JAKMIP1: variants seen among roughly 807,000 people sequenced by gnomAD.
The protein encoded by JAKMIP1 is janus kinase and microtubule-interacting protein 1.
Under a neutral mutation model 113.0 loss-of-function variants are expected in JAKMIP1, and 33 were observed. The observed-to-expected ratio is 0.29, with a 90% CI of 0.22 to 0.39. The LOEUF (loss-of-function observed/expected upper bound fraction) is 0.39. JAKMIP1 is among the 10% of genes least tolerant of loss of function. The pLI is 1.00. For missense variants in JAKMIP1, 813 were observed against 1,080.5 expected (o/e 0.75, Z 3.47); for synonymous variants, 480 against 459.9 (o/e 1.04, Z -0.56).
chr4:6,079,849 C>A (rs1038110067), intron 7 of JAKMIP1, among the ~76,000 whole-genome samples: 1 of 152,226 alleles, frequency 6.6e-6, no homozygotes, highest in Non-Finnish European at 1.5e-5. Context: ...TGGAACAGAT[C>A]ATGCCCAGTC....
At position 6,166,515 on chromosome 4, in the gene JAKMIP1, C is replaced by T. The variant is rs115633568; in HGVS notation, c.-148+33738G>A. 9.8e-3 allele frequency among the ~76,000 whole-genome samples: 1,494 copies of T among 152,320 alleles called. 18 individuals carry two copies. The highest frequency in any genetic ancestry group is 0.034 in the African/African-American group (1,418 of 41,572). On this transcript the variant is annotated intron_variant, in intron 1 of 20. Transcript: ENST00000409021. ...GAGCCAGGATGTGTGCAGGCCCAGGCGGCCAGGGCTCTCTACCTGAGGCCA... is the reference window on the plus strand; with the variant it reads ...GAGCCAGGATGTGTGCAGGCCCAGGTGGCCAGGGCTCTCTACCTGAGGCCA...
chr4:6,131,293 A>C (rs551659227), intron 1 of JAKMIP1, among the ~76,000 whole-genome samples: 3 of 150,870 alleles, frequency 2.0e-5, no homozygotes, highest in African/African-American at 7.3e-5. Flanking sequence ...GTATCTGAGA[A>C]TTTCACAAAA....
At position 6,081,830 on chromosome 4, in the gene JAKMIP1, A is replaced by C; in HGVS notation, c.955-75T>G. 1 of 1,573,822 alleles carries C rather than the reference A, an allele frequency of 6.4e-7. No homozygotes were observed. Among genetic ancestry groups the C allele is most frequent in the Non-Finnish European group, 8.7e-7 (1 of 1,151,172 alleles). Reference sequence around the variant, plus strand: ...CCGAGGTCACAGCACCGAGGTGAGCAGAGACTCAACCCAGTTAGGACCCCT... The same window carrying C: ...CCGAGGTCACAGCACCGAGGTGAGCCGAGACTCAACCCAGTTAGGACCCCT... On this transcript the variant is annotated intron_variant, in intron 5 of 20. Transcript: ENST00000409021. This position sits in a 1 kb window ranked among gnomAD's most constrained non-coding sequence, Gnocchi z 4.6.
In JAKMIP1 at chr4:6,153,787, AG is replaced by A. The variant is rs1209257917; in HGVS notation, c.-147-40791del. Among the ~76,000 whole-genome samples, 1 of 152,216 alleles carries A rather than the reference AG, an allele frequency of 6.6e-6. No individual in the cohort carries two copies. The highest frequency in any genetic ancestry group is 1.5e-5 in the Non-Finnish European group (1 of 68,048). On this transcript the variant is annotated intron_variant, in intron 1 of 20. Transcript: ENST00000409021. This position sits in a 1 kb window ranked among gnomAD's most constrained non-coding sequence, Gnocchi z 4.9. ...TCAGGTGCTATATTTTATAACTATA[AG>A]ATACAGTTATATTTTCCCTAATGCA...
At chr4:6,126,670 C>A (rs1390021077) in intron 1 of JAKMIP1, among the ~76,000 whole-genome samples, 2 of 149,362 alleles carry the variant, frequency 1.3e-5, no homozygotes, top group South Asian at 4.2e-4. Context: ...ATGCCCCCCC[C>A]ACACACACCC....
At chr4:6,039,461 C>T (rs1714023779) in intron 18 of JAKMIP1, among the ~76,000 whole-genome samples, 1 of 152,142 alleles carries the variant, frequency 6.6e-6, no homozygotes, top group African/African-American at 2.4e-5. Flanking sequence ...AAATCACATT[C>T]CTTGGAGTTT....
chr4:6,182,423 A>AAAAG (rs1218522312), intron 1 of JAKMIP1, among the ~76,000 whole-genome samples: 19,220 of 138,656 alleles, frequency 0.14, 1,701 homozygotes, highest in South Asian at 0.24. Context: ...AAAAAAAAAA[A>AAAAG]AAAGAAAGAA....
rs765016487 is a variant in JAKMIP1, at chr4:6,056,764, G to C, written c.1645-5C>G. ...CTCTTCAACCCACTTGGAATCCTAAGGAAAAGTACTAAATATGGTCACATT... is the reference window on the plus strand; with the variant it reads ...CTCTTCAACCCACTTGGAATCCTAACGAAAAGTACTAAATATGGTCACATT... On this transcript the variant is annotated splice_region_variant and splice_polypyrimidine_tract_variant and intron_variant, in intron 11 of 20. Coordinates refer to ENST00000409021, the MANE Select transcript of JAKMIP1 (RefSeq NM_001099433.2). 5.6e-6 allele frequency: 9 copies of C among 1,602,452 alleles called. No homozygotes were observed. The African/African-American group carries it at 9.4e-5, about 17-fold the overall frequency.
rs1055522688 is a variant in JAKMIP1, at chr4:6,186,584, G to A, written c.-148+13669C>T. ...TTTTAATTTTATTGAGGTTGTATTA[G>A]GGCCTAGCATATGGTCTATCCTGGA... On this transcript the variant is annotated intron_variant, in intron 1 of 20. Coordinates refer to ENST00000409021, the MANE Select transcript of JAKMIP1 (RefSeq NM_001099433.2). The surrounding 1 kb of genome is among the most constrained non-coding windows in gnomAD (Gnocchi z 5.5). 6.6e-6 allele frequency among the ~76,000 whole-genome samples: 1 copy of A among 152,116 alleles called. No individual in the cohort carries two copies. Among genetic ancestry groups the A allele is most frequent in the Admixed American group, 6.5e-5 (1 of 15,284 alleles).
chr4:6,060,753 CA>C (rs908718103), intron 10 of JAKMIP1, among the ~76,000 whole-genome samples: 2 of 152,222 alleles, frequency 1.3e-5, no homozygotes, highest in Non-Finnish European at 2.9e-5. Flanking sequence ...CTTGGCTTTA[CA>C]GGCAAGGAAA....
At chr4:6,092,505 T>TA (rs1722230700) in intron 3 of JAKMIP1, among the ~76,000 whole-genome samples, 1 of 152,268 alleles carries the variant, frequency 6.6e-6, no homozygotes, top group African/African-American at 2.4e-5. Context: ...CAGAGGTGGG[T>TA]TTTAAGCCAT....
rs1726853214 is a variant in JAKMIP1, at chr4:6,188,203, C to T, written c.-148+12050G>A. Among the ~76,000 whole-genome samples the T allele has an allele frequency of 6.6e-6, 1 of 152,124 alleles. No homozygotes were observed. The highest frequency in any genetic ancestry group is 2.4e-5 in the African/African-American group (1 of 41,436). ...CCTGGGTTGGAAGATTGGAAGTCTA[C>T]AGCTTGACCTTCTTACAAGGAGGCA... On this transcript the variant is annotated intron_variant, in intron 1 of 20. Transcript: ENST00000409021. The surrounding 1 kb of genome is among the most constrained non-coding windows in gnomAD (Gnocchi z 5.8).
chr4:6,173,377 G>A (rs770297003), intron 1 of JAKMIP1, among the ~76,000 whole-genome samples: 2 of 152,206 alleles, frequency 1.3e-5, no homozygotes, highest in African/African-American at 4.8e-5. Context: ...TCTATGGGGA[G>A]AGAAACAAAC....
At position 6,197,914 on chromosome 4, in the gene JAKMIP1, A is replaced by G. The variant is rs1351644492; in HGVS notation, c.-148+2339T>C. ...GTCCCACAGCCCAATCCACCCTTAC[A>G]CACCAAGAGAGTGGGGCCACGGTCC... is the stretch of plus-strand genomic sequence containing the variant. On this transcript the variant is annotated intron_variant, in intron 1 of 20. Coordinates refer to ENST00000409021, the MANE Select transcript of JAKMIP1 (RefSeq NM_001099433.2). This position sits in a 1 kb window ranked among gnomAD's most constrained non-coding sequence, Gnocchi z 6.5. Among the ~76,000 whole-genome samples the G allele has an allele frequency of 6.6e-6, 1 of 152,130 alleles. No homozygotes were observed. The highest frequency in any genetic ancestry group is 1.5e-5 in the Non-Finnish European group (1 of 68,016).
chr4:6,175,992 C>T (rs1014901164), intron 1 of JAKMIP1, among the ~76,000 whole-genome samples: 3 of 152,166 alleles, frequency 2.0e-5, no homozygotes, highest in African/African-American at 7.2e-5. Context: ...GTCCCTTGCT[C>T]ATTATAAACA....
In JAKMIP1 at chr4:6,081,844, G is replaced by C; in HGVS notation, c.955-89C>G. The C allele has an allele frequency of 6.8e-7, 1 of 1,475,778 alleles. No homozygotes were observed. The highest frequency in any genetic ancestry group is 1.2e-5 in the South Asian group (1 of 82,098). The allele number at this position is 1,475,778 out of a possible 1,614,324, so 91.4% of individuals were successfully genotyped here. A position where few individuals can be genotyped will look rare whatever the true frequency, so the allele number is the denominator to read the frequency against. ...CCGAGGTGAGCAGAGACTCAACCCA[G>C]TTAGGACCCCTTCTGAGGCCAGTGT... On this transcript the variant is annotated intron_variant, in intron 5 of 20. Transcript: ENST00000409021. The surrounding 1 kb of genome is among the most constrained non-coding windows in gnomAD (Gnocchi z 4.6).
In JAKMIP1 at chr4:6,137,257, G is replaced by C. The variant is rs529706296; in HGVS notation, c.-147-24260C>G. On this transcript the variant is annotated intron_variant, in intron 1 of 20. Transcript: ENST00000409021. The surrounding 1 kb of genome is among the most constrained non-coding windows in gnomAD (Gnocchi z 4.5). ...TGCTATGCCAGGTCCTGGCTTCCCC[G>C]TGCCAGCAGCCGGGCTCACCAGGGC... 2.6e-4 allele frequency among the ~76,000 whole-genome samples: 39 copies of C among 152,218 alleles called. No homozygotes were observed. The highest frequency in any genetic ancestry group is 9.1e-4 in the African/African-American group (38 of 41,532).
At position 6,106,169 on chromosome 4, in the gene JAKMIP1, T is replaced by C. The variant is rs1330258447; in HGVS notation, c.130-202A>G. On this transcript the variant is annotated intron_variant, in intron 2 of 20. Transcript: ENST00000409021. The surrounding 1 kb of genome is among the most constrained non-coding windows in gnomAD (Gnocchi z 5.9). Reference sequence around the variant, plus strand: ...CCCCACTTAGAATCTCTCCTGCTAGTTCCCTGAGACTTTCCCTGGGGGTGG... The same window carrying C: ...CCCCACTTAGAATCTCTCCTGCTAGCTCCCTGAGACTTTCCCTGGGGGTGG... 6.6e-6 allele frequency among the ~76,000 whole-genome samples: 1 copy of C among 152,164 alleles called. No homozygotes were observed.
chr4:6,060,539 T>C, intron 10 of JAKMIP1, 32 bp from the exon 11 acceptor site: 6 of 1,516,098 alleles, frequency 4.0e-6, no homozygotes, highest in Non-Finnish European at 5.5e-6. Flanking sequence ...AGTGAGCAGG[T>C]CACCTCCAAT....
Sources: gnomAD v4.1 joint callset for allele counts (sites outside exome capture counted in the v4.1 genomes callset) on GRCh38, gnomAD v4.1.1 for gene constraint, Gnocchi (gnomAD v3.1) non-coding constraint, MANE v1.5 for transcripts, NCBI Gene and HGNC (gene_info 2026-07-23, HGNC 2026-07-21) for gene names.